The following BLTP1 variants were observed in gnomAD, a reference collection of about 807,000 sequenced individuals.
BLTP1 encodes fragile site-associated protein.
chr4:122,272,454 G>GT, the BLTP1 span: 1 of 1,430,422 alleles, frequency 7.0e-7, no homozygotes, highest in East Asian at 2.3e-5. Flanking sequence ...AATAATTAGT[G>GT]CTACTTCTCT....
chr4:122,318,340 T>C, the BLTP1 span: 1 of 1,191,848 alleles, frequency 8.4e-7, no homozygotes, highest in South Asian at 1.3e-5. Context: ...ATCTACTGCG[T>C]ACCAGGTACC....
chr4:122,359,656 T>A, the BLTP1 span: 6 of 1,612,874 alleles, frequency 3.7e-6, no homozygotes, highest in Non-Finnish European at 5.1e-6. Context: ...GAAGATAGCA[T>A]CACTTATACT....
At chr4:122,270,377 T>C in the BLTP1 span, 1 of 981,772 alleles carries the variant, frequency 1.0e-6, no homozygotes, top group Non-Finnish European at 1.2e-6. Context: ...TTGGGGCTTA[T>C]TGTTATTATT....
chr4:122,309,294 G>A, the BLTP1 span: 6 of 1,612,868 alleles, frequency 3.7e-6, no homozygotes, highest in Non-Finnish European at 5.1e-6. Context: ...CTTGACACTG[G>A]TTCTGCTTTG....
the BLTP1 span, chr4:122,200,910 T>G: frequency 2.0e-6 from 3 of 1,481,030 alleles, no homozygotes; most frequent in Non-Finnish European, 2.7e-6. Flanking sequence ...AGGAAAATGT[T>G]TTAATTACTC....
At chr4:122,208,626 C>T in the BLTP1 span, 1 of 983,724 alleles carries the variant, frequency 1.0e-6, no homozygotes, top group Non-Finnish European at 1.2e-6. Context: ...CCATGGAAGA[C>T]ATTCTTTTCA....
chr4:122,160,168 C>T, the BLTP1 span, among the ~76,000 whole-genome samples: 7 of 152,108 alleles, frequency 4.6e-5, no homozygotes, highest in Admixed American at 4.6e-4. Flanking sequence ...TCCACATCTT[C>T]GGGAATCTTA....
chr4:122,257,522 C>T, the BLTP1 span: 2 of 1,606,628 alleles, frequency 1.2e-6, no homozygotes, highest in East Asian at 2.2e-5. Context: ...CTATTGAGTA[C>T]TTTCTTACAC....
chr4:122,246,169 C>T, the BLTP1 span: 1 of 1,586,818 alleles, frequency 6.3e-7, no homozygotes, highest in African/African-American at 1.4e-5. Context: ...CCAAACAAGA[C>T]ATTAGAGGAA....
the BLTP1 span, chr4:122,208,647 A>G: frequency 1.0e-6 from 1 of 984,508 alleles, no homozygotes; most frequent in Non-Finnish European, 1.2e-6. Context: ...CTGTTTGGAA[A>G]CTATGCTGTT....
At chr4:122,288,746 TA>T in the BLTP1 span, 1 of 610,756 alleles carries the variant, frequency 1.6e-6, no homozygotes, top group Non-Finnish European at 2.0e-6. Flanking sequence ...AAGTGGCCAT[TA>T]AAATGATCAT....
chr4:122,231,515 G>A, the BLTP1 span: 1 of 346,002 alleles, frequency 2.9e-6, no homozygotes, highest in Non-Finnish European at 4.1e-6. Context: ...ACCTTTTTGT[G>A]ATCTCTGTTG....
the BLTP1 span, among the ~76,000 whole-genome samples, chr4:122,303,010 G>A: frequency 6.6e-6 from 1 of 152,160 alleles, no homozygotes; most frequent in African/African-American, 2.4e-5. Context: ...TGATGAAGGT[G>A]GTTACGCTAA....
At chr4:122,261,355 T>C in the BLTP1 span, 3 of 984,624 alleles carry the variant, frequency 3.0e-6, no homozygotes, top group Non-Finnish European at 3.6e-6. Context: ...GTTTTGAACA[T>C]TCTTTTGCTA....
chr4:122,356,000 A>G, the BLTP1 span: 1 of 1,564,948 alleles, frequency 6.4e-7, no homozygotes, highest in Non-Finnish European at 8.7e-7. Context: ...GGTATGTAGA[A>G]AAACAATTTA....
the BLTP1 span, chr4:122,192,449 G>A: frequency 7.7e-6 from 8 of 1,034,138 alleles, no homozygotes; most frequent in African/African-American, 8.1e-5. Flanking sequence ...TTAAATAAAA[G>A]CTAGCTTAAA....
the BLTP1 span, chr4:122,261,974 G>A: frequency 5.9e-5 from 58 of 985,300 alleles, no homozygotes; most frequent in Middle Eastern, 1.6e-3. Flanking sequence ...TATCCATTGC[G>A]TCAACATTTC....
chr4:122,180,743 T>C, the BLTP1 span, among the ~76,000 whole-genome samples: 1 of 152,220 alleles, frequency 6.6e-6, no homozygotes, highest in Admixed American at 6.5e-5. Context: ...AAAGGCAAGG[T>C]GCAGAAGTGC....
At chr4:122,313,572 A>G in the BLTP1 span, 6 of 1,411,792 alleles carry the variant, frequency 4.2e-6, no homozygotes, top group African/African-American at 7.2e-5. Flanking sequence ...AGAGTACAAT[A>G]TATAGTCACA....
Sources: gnomAD v4.1 joint callset for allele counts (sites outside exome capture counted in the v4.1 genomes callset) on GRCh38, gnomAD v4.1.1 for gene constraint, MANE v1.5 for transcripts, NCBI Gene and HGNC (gene_info 2026-07-23, HGNC 2026-07-21) for gene names.